Variants in LRRTM4 observed in about 807,000 individuals in gnomAD.
The protein encoded by LRRTM4 is leucine-rich repeat transmembrane neuronal protein 4.
In LRRTM4, 25 loss-of-function variants were observed where a neutral mutation model predicts 47.6. The observed-to-expected ratio is 0.53, with a 90% CI of 0.38 to 0.73. The LOEUF (loss-of-function observed/expected upper bound fraction) is 0.73. Ranked by LOEUF, LRRTM4 falls within the 30% of genes least tolerant of loss-of-function variation. LRRTM4 has a pLI of 0.00. For synonymous variants in LRRTM4, 311 were observed against 269.5 expected (o/e 1.15, Z -1.51); for missense variants, 638 against 713.4 (o/e 0.89, Z 1.20).
At chr2:76,754,128 A>T (rs1672946003) in intron 3 of LRRTM4, among the ~76,000 whole-genome samples, 1 of 152,214 alleles carries the variant, frequency 6.6e-6, no homozygotes, top group Non-Finnish European at 1.5e-5. Context: ...ACCACTATAT[A>T]AATCCAGATA....
intron 3 of LRRTM4, among the ~76,000 whole-genome samples, chr2:77,382,268 G>A (rs1009099420): frequency 6.6e-5 from 10 of 152,038 alleles, no homozygotes; most frequent in Admixed American, 6.6e-4. Flanking sequence ...CACTGATGGT[G>A]TGTTTAATTT....
chr2:76,839,448 T>G (rs72819233), intron 3 of LRRTM4, among the ~76,000 whole-genome samples: 14,370 of 152,182 alleles, frequency 0.094, 1,236 homozygotes, highest in African/African-American at 0.22. Context: ...GCATTACTTT[T>G]GCTATATAGT....
intron 3 of LRRTM4, among the ~76,000 whole-genome samples, chr2:77,312,551 CT>C (rs768073400): frequency 6.6e-6 from 1 of 151,996 alleles, no homozygotes; most frequent in Non-Finnish European, 1.5e-5. Context: ...GTATTTATTT[CT>C]CTTTGGTTTG....
intron 3 of LRRTM4, among the ~76,000 whole-genome samples, chr2:77,391,316 G>A (rs139187060): frequency 6.6e-6 from 1 of 151,958 alleles, no homozygotes; most frequent in Admixed American, 6.6e-5. Flanking sequence ...TCTGCAGATG[G>A]TTATCTCTGG....
intron 3 of LRRTM4, among the ~76,000 whole-genome samples, chr2:77,471,655 CT>C (rs1459406666): frequency 1.3e-5 from 2 of 152,104 alleles, no homozygotes; most frequent in African/African-American, 2.4e-5. Context: ...CCTTGATGTT[CT>C]TTGCCTGGAA....
intron 3 of LRRTM4, among the ~76,000 whole-genome samples, chr2:77,236,612 G>C (rs558489876): frequency 5.1e-4 from 77 of 152,024 alleles, no homozygotes; most frequent in African/African-American, 1.8e-3. Flanking sequence ...GTTCTCAAGG[G>C]GAATGCTTCC....
At chr2:76,909,756 C>A (rs1171536767) in intron 3 of LRRTM4, among the ~76,000 whole-genome samples, 5 of 152,218 alleles carry the variant, frequency 3.3e-5, no homozygotes, top group Non-Finnish European at 7.3e-5. Context: ...TGCTCACCAT[C>A]ACTGACTATC....
At chr2:77,079,830 T>C (rs1045771023) in intron 3 of LRRTM4, among the ~76,000 whole-genome samples, 5 of 152,110 alleles carry the variant, frequency 3.3e-5, no homozygotes, top group African/African-American at 1.2e-4. Context: ...TCTATTCTTT[T>C]ACTTTTTTTT....
chr2:77,360,689 G>A (rs1292847536), intron 3 of LRRTM4, among the ~76,000 whole-genome samples: 1 of 152,040 alleles, frequency 6.6e-6, no homozygotes, highest in Non-Finnish European at 1.5e-5. Flanking sequence ...GCAGAAGTGA[G>A]ATCTTGAGAT....
intron 3 of LRRTM4, among the ~76,000 whole-genome samples, chr2:77,100,905 G>A (rs926392942): frequency 8.5e-5 from 12 of 141,666 alleles, no homozygotes; most frequent in East Asian, 2.1e-4. Context: ...GTGCGATCTC[G>A]GCTCACTGCA....
intron 3 of LRRTM4, among the ~76,000 whole-genome samples, chr2:77,426,234 T>C (rs1675099449): frequency 6.6e-6 from 1 of 152,196 alleles, no homozygotes; most frequent in Non-Finnish European, 1.5e-5. Context: ...CTTCTTAGTG[T>C]CTTTCACTAA....
intron 3 of LRRTM4, among the ~76,000 whole-genome samples, chr2:76,807,461 T>TATATATATACGTATATATATATATAC (rs1670548570): frequency 9.9e-6 from 1 of 100,580 alleles, no homozygotes; most frequent in Non-Finnish European, 1.8e-5. Context: ...TATATATACA[T>TATATATATACGTATATATATATATAC]ATATATATAC....
At chr2:77,017,148 A>G (rs1273325860) in intron 3 of LRRTM4, among the ~76,000 whole-genome samples, 1 of 152,190 alleles carries the variant, frequency 6.6e-6, no homozygotes, top group Non-Finnish European at 1.5e-5. Flanking sequence ...CAGGATAAAC[A>G]TCAACATAGA....
chr2:76,942,314 T>G (rs189105306), intron 3 of LRRTM4, among the ~76,000 whole-genome samples: 1 of 152,268 alleles, frequency 6.6e-6, no homozygotes, highest in African/African-American at 2.4e-5. Flanking sequence ...TTAGCTTAAT[T>G]AGATCCCATT....
chr2:77,453,170 T>C (rs1176049555), intron 3 of LRRTM4, among the ~76,000 whole-genome samples: 3 of 149,856 alleles, frequency 2.0e-5, no homozygotes, highest in Non-Finnish European at 4.4e-5. Context: ...TATCTGTTTC[T>C]TCTTGATTTT....
intron 3 of LRRTM4, among the ~76,000 whole-genome samples, chr2:77,199,610 A>T (rs1673920651): frequency 6.6e-6 from 1 of 152,130 alleles, no homozygotes; most frequent in African/African-American, 2.4e-5. Context: ...CATATTAGGA[A>T]AACTGTTTTA....
chr2:76,918,597 GA>G (rs1458746404), intron 3 of LRRTM4, among the ~76,000 whole-genome samples: 1 of 152,028 alleles, frequency 6.6e-6, no homozygotes, highest in African/African-American at 2.4e-5. Context: ...ATGAGAGGGG[GA>G]AAATTTAAAA....
At chr2:77,125,939 T>C (rs1334869487) in intron 3 of LRRTM4, among the ~76,000 whole-genome samples, 2 of 150,030 alleles carry the variant, frequency 1.3e-5, no homozygotes, top group East Asian at 3.9e-4. Context: ...TGTATGTGTA[T>C]ATATATATAT....
At chr2:76,843,971 G>T (rs1419084068) in intron 3 of LRRTM4, among the ~76,000 whole-genome samples, 2 of 143,450 alleles carry the variant, frequency 1.4e-5, no homozygotes, top group Non-Finnish European at 1.5e-5. Flanking sequence ...GCGTGATCTC[G>T]GCTCACTGCA....
Sources: allele counts gnomAD v4.1 joint callset (sites outside exome capture counted in the v4.1 genomes callset), GRCh38; gene constraint gnomAD v4.1.1; transcripts MANE v1.5; gene names NCBI Gene and HGNC (gene_info 2026-07-23, HGNC 2026-07-21).